The following LY96 variants were observed in gnomAD, a reference collection of about 807,000 sequenced individuals.
LY96 encodes myeloid differentiation protein-2.
In LY96, 18 loss-of-function variants were observed where a neutral mutation model predicts 18.9. That is an observed-to-expected ratio of 0.95 (90% CI 0.66 to 1.41). The LOEUF (loss-of-function observed/expected upper bound fraction) is 1.41. Among genes scored for constraint, LY96 ranks in the 40% most tolerant of loss-of-function variants. The probability of loss-of-function intolerance (pLI) is 0.00; values close to 1 mark genes in which losing one functional copy is unlikely to be tolerated. For synonymous variants in LY96, 66 were observed against 62.6 expected (o/e 1.06, Z -0.26); for missense variants, 175 against 182.4 (o/e 0.96, Z 0.23).
downstream of LY96, among the ~76,000 whole-genome samples, chr8:74,033,356 A>T (rs578192489): frequency 2.6e-3 from 395 of 152,310 alleles, 3 homozygotes; most frequent in Admixed American, 8.0e-3. Context: ...TATAAGAAAA[A>T]TCCAAAGACA....
At chr8:74,070,099 T>C in the LY96 span, among the ~76,000 whole-genome samples, 2 of 123,934 alleles carry the variant, frequency 1.6e-5, no homozygotes, top group Admixed American at 1.5e-4. Flanking sequence ...ATTTTCTTTC[T>C]TTTTTTTTTT....
the LY96 span, among the ~76,000 whole-genome samples, chr8:74,047,048 C>T: frequency 6.6e-6 from 1 of 151,988 alleles, no homozygotes; most frequent in African/African-American, 2.4e-5. Context: ...ATTACAGGCA[C>T]ACGCCACCAC....
chr8:74,069,642 G>T, the LY96 span, among the ~76,000 whole-genome samples: 1 of 152,048 alleles, frequency 6.6e-6, no homozygotes, highest in African/African-American at 2.4e-5. Context: ...TTACTCAGTT[G>T]TCCAGGCTGG....
chr8:74,048,262 T>C, the LY96 span, among the ~76,000 whole-genome samples: 1 of 142,484 alleles, frequency 7.0e-6, no homozygotes, highest in Admixed American at 6.8e-5. Context: ...CGTTTAGTTC[T>C]ATTTTTTTTT....
chr8:74,060,242 T>G, the LY96 span, among the ~76,000 whole-genome samples: 1 of 152,210 alleles, frequency 6.6e-6, no homozygotes. Flanking sequence ...AGATAAAAGT[T>G]AAGTGTCTGT....
At chr8:74,068,484 G>A in the LY96 span, among the ~76,000 whole-genome samples, 1 of 152,152 alleles carries the variant, frequency 6.6e-6, no homozygotes, top group South Asian at 2.1e-4. Flanking sequence ...ATACCTAGGA[G>A]TAGAGCTACT....
rs560236135 is a variant in LY96, at chr8:73,995,007, T to C, written c.112+3453T>C. On this transcript the variant is annotated intron_variant, in intron 1 of 4. Coordinates refer to ENST00000284818, the MANE Select transcript of LY96 (RefSeq NM_015364.5). ...TGAAATTTAATTGCCATTGTGATGA[T>C]ATTAAGAGGTGGGACTTTTAAGAGG... 2.0e-5 allele frequency among the ~76,000 whole-genome samples: 3 copies of C among 152,334 alleles called. No homozygotes were observed. The South Asian group carries it at 6.2e-4, about 32-fold the overall frequency.
At chr8:74,057,440 A>T in the LY96 span, among the ~76,000 whole-genome samples, 1 of 152,236 alleles carries the variant, frequency 6.6e-6, no homozygotes, top group Non-Finnish European at 1.5e-5. Flanking sequence ...CTTGTATTGG[A>T]TCATCCTCAG....
At chr8:73,996,333 C>A (rs1007548687) in intron 1 of LY96, among the ~76,000 whole-genome samples, 1 of 127,532 alleles carries the variant, frequency 7.8e-6, no homozygotes, top group Non-Finnish European at 1.7e-5. Flanking sequence ...TCCTTCCTTC[C>A]TTCCTTCCTT....
chr8:74,031,572 C>T (rs911849035), downstream of LY96, among the ~76,000 whole-genome samples: 22 of 149,740 alleles, frequency 1.5e-4, 1 homozygote, highest in East Asian at 2.4e-3. Flanking sequence ...GCGGAGGTTG[C>T]GGTGAGCCGA....
At chr8:73,992,836 CTGTGTGTGTGTG>C (rs34327741) in intron 1 of LY96, among the ~76,000 whole-genome samples, 69 of 141,880 alleles carry the variant, frequency 4.9e-4, no homozygotes, top group African/African-American at 1.1e-3. Flanking sequence ...AATTATGCCA[CTGTGTGTGTGTG>C]TGTGTGTGTG....
chr8:74,035,429 C>T, the LY96 span, among the ~76,000 whole-genome samples: 1 of 152,134 alleles, frequency 6.6e-6, no homozygotes, highest in Non-Finnish European at 1.5e-5. Flanking sequence ...TGGTGGCCAT[C>T]GATGTTGCCT....
At chr8:74,085,720 T>A in the LY96 span, among the ~76,000 whole-genome samples, 1 of 152,344 alleles carries the variant, frequency 6.6e-6, no homozygotes, top group South Asian at 2.1e-4. Flanking sequence ...GATCTTTTTT[T>A]AAATTTAATT....
At chr8:73,994,599 G>C (rs546722838) in intron 1 of LY96, among the ~76,000 whole-genome samples, 1 of 152,096 alleles carries the variant, frequency 6.6e-6, no homozygotes, top group East Asian at 1.9e-4. Flanking sequence ...TGATTTTCCC[G>C]CTTCAGCCTC....
the LY96 span, among the ~76,000 whole-genome samples, chr8:74,078,824 GAACAATACTATTCTGAATTTT>G: frequency 2.0e-5 from 3 of 152,180 alleles, no homozygotes; most frequent in African/African-American, 2.4e-5. Context: ...AAAAATTAGA[GAACAATACTATTCTGAATTTT>G]AACAATACTA....
At chr8:74,095,484 G>A in the LY96 span, among the ~76,000 whole-genome samples, 1 of 152,090 alleles carries the variant, frequency 6.6e-6, no homozygotes, top group Admixed American at 6.6e-5. Context: ...TTCCTGTGGG[G>A]AAAAACATTT....
chr8:74,058,310 A>G, the LY96 span, among the ~76,000 whole-genome samples: 1 of 152,338 alleles, frequency 6.6e-6, no homozygotes, highest in South Asian at 2.1e-4. Context: ...GCTGATCCAG[A>G]GGAAACTTCT....
At chr8:73,995,420 T>C (rs1027374628) in intron 1 of LY96, among the ~76,000 whole-genome samples, 3 of 152,216 alleles carry the variant, frequency 2.0e-5, no homozygotes, top group East Asian at 3.8e-4. Context: ...CCTCTTCTTA[T>C]AAGGACACCA....
chr8:74,087,045 C>T, the LY96 span, among the ~76,000 whole-genome samples: 1 of 152,290 alleles, frequency 6.6e-6, no homozygotes, highest in African/African-American at 2.4e-5. Flanking sequence ...TATTGAATAC[C>T]TCTGGGTGAA....
Sources: gnomAD v4.1 joint callset for allele counts (sites outside exome capture counted in the v4.1 genomes callset) on GRCh38, gnomAD v4.1.1 for gene constraint, MANE v1.5 for transcripts, NCBI Gene and HGNC (gene_info 2026-07-23, HGNC 2026-07-21) for gene names.